APP: variants seen among roughly 807,000 people sequenced by gnomAD.
APP encodes amyloid beta precursor protein.
APP carries 31 observed loss-of-function variants against 101.4 expected under a neutral mutation model. The ratio of observed to expected loss-of-function variants is 0.31; its 90% CI spans 0.23 to 0.41. The LOEUF is 0.41. APP is among the 10% of genes least tolerant of loss of function. The pLI, the probability that APP is intolerant of heterozygous loss-of-function variation, is 1.00. For missense variants in APP, 839 were observed against 1,003.7 expected (o/e 0.84, Z 2.22); for synonymous variants, 366 against 364.4 (o/e 1.00, Z -0.05).
At chr21:26,161,039 ACAGCT>A (rs1601599162) in intron 1 of APP, among the ~76,000 whole-genome samples, 1 of 152,242 alleles carries the variant, frequency 6.6e-6, no homozygotes, top group Non-Finnish European at 1.5e-5. Context: ...AGAAGGTTGC[ACAGCT>A]GTTCGAATCT....
chr21:26,129,194 C>G (rs1414737048), intron 1 of APP, among the ~76,000 whole-genome samples: 1 of 152,146 alleles, frequency 6.6e-6, no homozygotes, highest in African/African-American at 2.4e-5. Context: ...AGGTCTTGGA[C>G]AGGCACCATG....
intron 1 of APP, among the ~76,000 whole-genome samples, chr21:26,143,820 C>T (rs1396411912): frequency 6.6e-6 from 1 of 152,126 alleles, no homozygotes; most frequent in Non-Finnish European, 1.5e-5. Flanking sequence ...CTGTGTCTGG[C>T]TTATTTCACT....
At chr21:25,940,473 A>G (rs2040531004) in intron 13 of APP, among the ~76,000 whole-genome samples, 1 of 152,200 alleles carries the variant, frequency 6.6e-6, no homozygotes, top group Non-Finnish European at 1.5e-5. Context: ...GGCATAACAG[A>G]TTTTTAAAAA....
chr21:26,093,942 T>C (rs1284978611), intron 2 of APP, among the ~76,000 whole-genome samples: 3 of 152,084 alleles, frequency 2.0e-5, no homozygotes, highest in Non-Finnish European at 4.4e-5. Flanking sequence ...GGTGAAACCC[T>C]GTCTCTACTA....
chr21:25,999,903 G>C, intron 7 of APP, 112 bp downstream of exon 7: 1 of 1,226,496 alleles, frequency 8.2e-7, no homozygotes. Flanking sequence ...AATGTGGTTA[G>C]TGGTAGCAAC....
chr21:26,170,528 G>T, intron 1 of APP, 36 bp downstream of exon 1: 1 of 1,534,342 alleles, frequency 6.5e-7, no homozygotes. Flanking sequence ...TCCCCACCGT[G>T]CAGCCTCCCC....
intron 3 of APP, among the ~76,000 whole-genome samples, chr21:26,076,687 C>T (rs535213501): frequency 6.6e-6 from 1 of 152,182 alleles, no homozygotes. Context: ...ACAAACTCAG[C>T]TCAATTAAAC....
chr21:26,083,600 C>A (rs1339861452), intron 3 of APP, among the ~76,000 whole-genome samples: 2 of 152,218 alleles, frequency 1.3e-5, no homozygotes, highest in African/African-American at 4.8e-5. Context: ...TTTGAGCACA[C>A]ATTTGCAATT....
chr21:26,170,637 G>C lies in APP; in HGVS notation c.-17C>G. ...GGGCAGCATCGCGACCCTGCGCGGG[G>C]CACCGAGTGCGCTGCTGTGCGAGTG... On this transcript the variant is annotated 5_prime_UTR_variant, in exon 1 of 18. Coordinates refer to ENST00000346798, the MANE Select transcript of APP (RefSeq NM_000484.4). 6.5e-7 allele frequency: 1 copy of C among 1,532,350 alleles called. No homozygotes were observed. Among genetic ancestry groups the C allele is most frequent in the East Asian group, 2.5e-5 (1 of 40,422 alleles). 94.9% of individuals were successfully genotyped at this position (1,532,350 alleles called of 1,614,324 possible). A position where few individuals can be genotyped will look rare whatever the true frequency, so the allele number is the denominator to read the frequency against.
chr21:25,912,008 A>G (rs1569045018), intron 13 of APP, 46 bp from the exon 14 acceptor site: 5 of 1,444,406 alleles, frequency 3.5e-6, no homozygotes, highest in East Asian at 4.5e-5. Flanking sequence ...AACAATCACA[A>G]CAGCAGCAGC....
chr21:26,133,707 G>A (rs538775024), intron 1 of APP, among the ~76,000 whole-genome samples: 5 of 152,140 alleles, frequency 3.3e-5, no homozygotes, highest in Non-Finnish European at 7.4e-5. Context: ...GAGGGGCAGA[G>A]GTTGCAGTGA....
chr21:25,892,991 A>G (rs1479586696), intron 16 of APP, among the ~76,000 whole-genome samples: 1 of 151,798 alleles, frequency 6.6e-6, no homozygotes, highest in Non-Finnish European at 1.5e-5. Context: ...CCTGCATCGA[A>G]CAAGTCTATT....
intron 13 of APP, chr21:25,941,215 A>G (rs2040563312): frequency 6.6e-6 from 1 of 152,260 alleles, no homozygotes; most frequent in Admixed American, 6.5e-5. Context: ...AAATAAATGC[A>G]TCCAGGGCTA....
At chr21:25,933,873 T>A (rs2040250998) in intron 13 of APP, 1 of 152,098 alleles carries the variant, frequency 6.6e-6, no homozygotes. Flanking sequence ...GTTGAAAAAA[T>A]TTGACAATAG....
In APP at chr21:25,897,563, T is replaced by A. The variant is rs202051599; in HGVS notation, c.2064+10A>T. The A allele has an allele frequency of 5.6e-6, 9 of 1,601,886 alleles. No homozygotes were observed. The highest frequency in any genetic ancestry group is 7.7e-6 in the Non-Finnish European group (9 of 1,169,032). The stretch of plus-strand genomic sequence containing the variant: ...AACAGTAGTGGAAAGAGGTAAATTA[T>A]TTTACGTACCAATTTTTGATGATGA... On this transcript the variant is annotated intron_variant, in intron 16 of 17. Transcript: ENST00000346798.
intron 8 of APP, among the ~76,000 whole-genome samples, chr21:25,989,802 A>AGGAT (rs1257519743): frequency 6.6e-6 from 1 of 152,208 alleles, no homozygotes; most frequent in Non-Finnish European, 1.5e-5. Context: ...GGAGACAAGG[A>AGGAT]GGATCATTTA....
At chr21:26,043,156 T>C (rs1001903678) in intron 5 of APP, among the ~76,000 whole-genome samples, 2 of 152,220 alleles carry the variant, frequency 1.3e-5, no homozygotes, top group Non-Finnish European at 2.9e-5. Context: ...GGACCCATCA[T>C]GCTATGTTAT....
intron 9 of APP, among the ~76,000 whole-genome samples, chr21:25,978,544 C>A (rs999756691): frequency 1.3e-5 from 2 of 152,002 alleles, no homozygotes; most frequent in Non-Finnish European, 2.9e-5. Flanking sequence ...TGTTTTTGTA[C>A]CCTGTGGTAC....
chr21:25,973,721 T>C (rs556733879), intron 11 of APP, among the ~76,000 whole-genome samples: 1 of 152,112 alleles, frequency 6.6e-6, no homozygotes, highest in South Asian at 2.1e-4. Context: ...GGTGGGTGGA[T>C]CACCTGAGGT....
Sources: allele counts gnomAD v4.1 joint callset (sites outside exome capture counted in the v4.1 genomes callset), GRCh38; gene constraint gnomAD v4.1.1; transcripts MANE v1.5; gene names NCBI Gene and HGNC (gene_info 2026-07-23, HGNC 2026-07-21).